Variants in ABCB11 observed in about 807,000 individuals in gnomAD.
ABCB11 encodes the protein bile salt export pump.
In ABCB11, 95 loss-of-function variants were observed where a neutral mutation model predicts 148.0. That is an observed-to-expected ratio of 0.64 (90% CI 0.54 to 0.76). ABCB11 has a LOEUF of 0.76. Among genes scored for constraint, ABCB11 ranks in the 30% least tolerant of loss-of-function variants. The probability of loss-of-function intolerance (pLI) is 0.00; values close to 1 mark genes in which losing one functional copy is unlikely to be tolerated. For synonymous variants in ABCB11, 591 were observed against 555.4 expected (o/e 1.06, Z -0.90); for missense variants, 1,523 against 1,617.8 (o/e 0.94, Z 1.01).
At chr2:168,977,662 G>A (rs1693968307) in intron 11 of ABCB11, among the ~76,000 whole-genome samples, 1 of 152,170 alleles carries the variant, frequency 6.6e-6, no homozygotes, top group African/African-American at 2.4e-5. Flanking sequence ...AAAGAAAAGA[G>A]TTTTAATTGA....
In ABCB11 at chr2:168,923,393, C is replaced by T. The variant is rs1691157308; in HGVS notation, c.*229G>A. ...ACATTGGGTTTTCCCTCATATGGAC[C>T]CTAGTTTCTTTCATTTTCTGTATAC... On this transcript the variant is annotated 3_prime_UTR_variant, in exon 28 of 28. Coordinates refer to ENST00000650372, the MANE Select transcript of ABCB11 (RefSeq NM_003742.4). The T allele has an allele frequency of 5.1e-6, 3 of 584,098 alleles. No homozygotes were observed. The highest frequency in any genetic ancestry group is 3.0e-5 in the Admixed American group (1 of 32,896). 36.2% of individuals were successfully genotyped at this position (584,098 alleles called of 1,614,324 possible). A position where few individuals can be genotyped will look rare whatever the true frequency, so the allele number is the denominator to read the frequency against.
rs72549402 is a variant in ABCB11, at chr2:168,972,040, T to C, written c.1445A>G (p.Asp482Gly). 33 of 1,612,360 alleles carry C rather than the reference T, an allele frequency of 2.0e-5. No homozygotes were observed. The highest frequency in any genetic ancestry group is 2.8e-5 in the Non-Finnish European group (33 of 1,179,080). Reference sequence around the variant, plus strand: ...GTTAAGAGAGCGAATGTCATGGCCATCCACGGTCACCTAGAGAGCATGGGC... The same window carrying C: ...GTTAAGAGAGCGAATGTCATGGCCACCCACGGTCACCTAGAGAGCATGGGC... ...YDPCEGMVTV[D>G]GHDIRSLNIQ... is the part of the protein sequence containing the mutation. The change falls in exon 14 of 28, where the codon GAT becomes GGT. Residue 482 changes from aspartate to glycine, a missense_variant. By Grantham distance (94) the Asp-to-Gly change is moderately conservative (BLOSUM62 -1). Coordinates refer to ENST00000650372, the MANE Select transcript of ABCB11 (RefSeq NM_003742.4).
intron 18 of ABCB11, among the ~76,000 whole-genome samples, chr2:168,963,966 C>T (rs1196405243): frequency 6.6e-6 from 1 of 151,688 alleles, no homozygotes; most frequent in Non-Finnish European, 1.5e-5. Flanking sequence ...GACAATTAAC[C>T]CTCCGAAGTC....
chr2:168,965,151 A>T (rs1402647030), intron 17 of ABCB11, among the ~76,000 whole-genome samples: 3 of 151,862 alleles, frequency 2.0e-5, no homozygotes, highest in Non-Finnish European at 4.4e-5. Context: ...AAGGTAGGAT[A>T]TGGGGATTTG....
chr2:168,975,236 AATATTTAAATATTTTT>A lies in ABCB11; in HGVS notation c.1308+1325_1308+1340del, dbSNP rs1420423764. Among the ~76,000 whole-genome samples, 11 of 79,918 alleles carry A rather than the reference AATATTTAAATATTTTT, an allele frequency of 1.4e-4. 3 individuals carry two copies. The highest frequency in any genetic ancestry group is 9.1e-4 in the South Asian group (2 of 2,200). 52.4% of individuals were successfully genotyped at this position (79,918 alleles called of 152,430 possible). On this transcript the variant is annotated intron_variant, in intron 12 of 27. Coordinates refer to ENST00000650372, the MANE Select transcript of ABCB11 (RefSeq NM_003742.4). ...TTAAATATTTATAGATAAATATATAAATATTTAAATATTTTTATATTTAAATATTTATAGATAAATA... is the reference window on the plus strand; with the variant it reads ...TTAAATATTTATAGATAAATATATAAATATTTAAATATTTATAGATAAATA...
At chr2:168,971,330 C>T (rs1054290832) in intron 14 of ABCB11, among the ~76,000 whole-genome samples, 3 of 151,962 alleles carry the variant, frequency 2.0e-5, no homozygotes, top group Non-Finnish European at 2.9e-5. Context: ...AGCAGGCCAT[C>T]GGTGGCAAAA....
chr2:168,927,351 A>G lies in ABCB11; in HGVS notation c.3423T>C (p.Gly1141=). The G allele has an allele frequency of 6.2e-7, 1 of 1,613,592 alleles. No homozygotes were observed. Among genetic ancestry groups the G allele is most frequent in the Non-Finnish European group, 8.5e-7 (1 of 1,179,604 alleles). The change falls in exon 26 of 28, where the codon GGT becomes GGC. Residue 1141 remains glycine (G), a synonymous_variant. Transcript: ENST00000650372. Reference sequence around the variant, plus strand: ...GGACATTTACTTTTTTGCTGTCATGACCATCTATCATCTGCCAATAGAGGA... The same window carrying G: ...GGACATTTACTTTTTTGCTGTCATGGCCATCTATCATCTGCCAATAGAGGA... ...DPDQGKVMID[G]HDSKKVNVQF... is the part of the protein sequence containing the mutation.
chr2:168,965,859 G>A (rs1331864392), intron 17 of ABCB11, among the ~76,000 whole-genome samples: 1 of 151,806 alleles, frequency 6.6e-6, no homozygotes, highest in Non-Finnish European at 1.5e-5. Flanking sequence ...AGGCAGTAAT[G>A]TATCAACTGA....
At chr2:169,014,669 A>G (rs934362010) in intron 3 of ABCB11, among the ~76,000 whole-genome samples, 3 of 152,102 alleles carry the variant, frequency 2.0e-5, no homozygotes, top group Middle Eastern at 3.2e-3. Context: ...CTCAGTCATG[A>G]CCCTCAATCT....
chr2:168,923,304 C>T lies in ABCB11; in HGVS notation c.*318G>A, dbSNP rs1691153353. On this transcript the variant is annotated 3_prime_UTR_variant, in exon 28 of 28. Transcript: ENST00000650372. ...TACTCCCTGATGTCTCACTAATTCC[C>T]ACATATTAATCAGGACTGGCTCCTG... 2.6e-6 allele frequency: 1 copy of T among 391,896 alleles called. No homozygotes were observed. The highest frequency in any genetic ancestry group is 4.0e-5 in the Admixed American group (1 of 24,808). 24.3% of individuals were successfully genotyped at this position (391,896 alleles called of 1,614,324 possible). A position where few individuals can be genotyped will look rare whatever the true frequency, so the allele number is the denominator to read the frequency against.
chr2:168,968,182 C>A (rs775991920), intron 17 of ABCB11, among the ~76,000 whole-genome samples: 4 of 151,694 alleles, frequency 2.6e-5, no homozygotes, highest in Non-Finnish European at 5.9e-5. Context: ...CAATTTTAAC[C>A]ATAAAGCATC....
chr2:168,923,812 A>C lies in ABCB11; in HGVS notation c.3776T>G (p.Val1259Gly). ...ACCCTCTCTGGCTTTGTCTAGAGCA[A>C]CCTGCACCGTCTGCAAAGAGAAGAT... ...LDTESEKTVQ[V>G]ALDKAREGRT... Residue 1259 changes from valine (V) to glycine (G), a missense_variant, in exon 28 of 28, where the codon GTT becomes GGT. Physicochemically the swap from Val to Gly is moderately radical, Grantham distance 109. Coordinates refer to ENST00000650372, the MANE Select transcript of ABCB11 (RefSeq NM_003742.4). 1 of 1,613,908 alleles carries C rather than the reference A, an allele frequency of 6.2e-7. No homozygotes were observed. The highest frequency in any genetic ancestry group is 8.5e-7 in the Non-Finnish European group (1 of 1,179,862).
At chr2:168,932,977 T>C (rs1413681650) in intron 23 of ABCB11, among the ~76,000 whole-genome samples, 1 of 151,588 alleles carries the variant, frequency 6.6e-6, no homozygotes, top group Non-Finnish European at 1.5e-5. Context: ...GGCGTGGTGG[T>C]GGTCGCCTGT....
At chr2:169,029,786 T>A (rs1194522413) in intron 1 of ABCB11, among the ~76,000 whole-genome samples, 1 of 109,362 alleles carries the variant, frequency 9.1e-6, no homozygotes, top group Non-Finnish European at 1.8e-5. Context: ...CAGGCCGGAC[T>A]GCGGACTGCA....
rs1001747190 is a variant in ABCB11, at chr2:168,923,752, G to C, written c.3836C>G (p.Thr1279Ser). The C allele has an allele frequency of 1.2e-6, 2 of 1,613,880 alleles. No individual in the cohort carries two copies. Among genetic ancestry groups the C allele is most frequent in the South Asian group, 2.2e-5 (2 of 91,064 alleles). The change falls in exon 28 of 28, where the codon ACC (threonine) becomes AGC (serine). Residue 1279 changes from threonine (T) to serine (S), a missense_variant. Coordinates refer to ENST00000650372, the MANE Select transcript of ABCB11 (RefSeq NM_003742.4). Reference protein sequence around the residue: ...TCIVIAHRLSTIQNADIIAVM... With the variant: ...TCIVIAHRLSSIQNADIIAVM... Reference sequence around the variant, plus strand: ...AGCAATGATATCCGCGTTCTGGATGGTGGACAAGCGATGGGCAATGACAAT... The same window carrying C: ...AGCAATGATATCCGCGTTCTGGATGCTGGACAAGCGATGGGCAATGACAAT...
At chr2:169,020,769 T>C (rs1695511447) in intron 1 of ABCB11, among the ~76,000 whole-genome samples, 1 of 152,052 alleles carries the variant, frequency 6.6e-6, no homozygotes, top group Admixed American at 6.6e-5. Context: ...GTAACAGATA[T>C]AAGGTTTCTT....
intron 7 of ABCB11, among the ~76,000 whole-genome samples, chr2:168,994,282 C>T (rs1424202369): frequency 6.6e-6 from 1 of 152,066 alleles, no homozygotes. Context: ...TGTATAATCC[C>T]CCAAGAAGAA....
chr2:168,977,979 T>G (rs1311924252), intron 11 of ABCB11, among the ~76,000 whole-genome samples: 1 of 151,984 alleles, frequency 6.6e-6, no homozygotes, highest in Non-Finnish European at 1.5e-5. Flanking sequence ...TATTGAGGAG[T>G]ATAATGTAAT....
chr2:168,917,209 A>AC (rs1690958446), downstream of ABCB11, among the ~76,000 whole-genome samples: 1 of 151,838 alleles, frequency 6.6e-6, no homozygotes, highest in African/African-American at 2.4e-5. Context: ...GGACAAAAAA[A>AC]CTAGAGGCCA....
Sources: gnomAD v4.1 joint callset for allele counts (sites outside exome capture counted in the v4.1 genomes callset) on GRCh38, gnomAD v4.1.1 for gene constraint, MANE v1.5 for transcripts, NCBI Gene and HGNC (gene_info 2026-07-23, HGNC 2026-07-21) for gene names.